Variants in PRKCH observed in about 807,000 individuals in gnomAD.
The protein encoded by PRKCH is protein kinase C eta type.
Under a neutral mutation model 82.5 loss-of-function variants are expected in PRKCH, and 28 were observed. The observed-to-expected ratio is 0.34, with a 90% CI of 0.25 to 0.47. The LOEUF (loss-of-function observed/expected upper bound fraction) is 0.47. PRKCH is among the 20% of genes least tolerant of loss of function. PRKCH has a pLI of 1.00. For synonymous variants in PRKCH, 322 were observed against 327.4 expected (o/e 0.98, Z 0.18); for missense variants, 705 against 881.8 (o/e 0.80, Z 2.54).
intron 1 of PRKCH, among the ~76,000 whole-genome samples, chr14:61,359,038 T>C (rs1285199873): frequency 6.6e-6 from 1 of 152,232 alleles, no homozygotes; most frequent in African/African-American, 2.4e-5. Context: ...AATCTATTTA[T>C]GTGTCTTTCC....
At chr14:61,484,211 C>T (rs536182324) in intron 9 of PRKCH, among the ~76,000 whole-genome samples, 2 of 151,710 alleles carry the variant, frequency 1.3e-5, no homozygotes, top group Admixed American at 1.3e-4. Context: ...CGCCTGACCC[C>T]CAGGCAGGTG....
At chr14:61,371,465 T>C (rs2046363601) in intron 1 of PRKCH, among the ~76,000 whole-genome samples, 1 of 152,038 alleles carries the variant, frequency 6.6e-6, no homozygotes, top group Admixed American at 6.5e-5. Context: ...CTTTCCTTGG[T>C]TTTGGTGAGC....
chr14:61,443,134 T>C lies in PRKCH; in HGVS notation c.451T>C (p.Phe151Leu), dbSNP rs1448127969. The C allele has an allele frequency of 1.2e-6, 2 of 1,613,976 alleles. No individual in the cohort carries two copies. Among genetic ancestry groups the C allele is most frequent in the Admixed American group, 1.7e-5 (1 of 59,998 alleles). Reference protein sequence around the residue: ...TEATLQRDRIFKHFTRKRQRA... With the variant: ...TEATLQRDRILKHFTRKRQRA... Reference sequence around the variant, plus strand: ...AGCTACTCTCCAGAGAGACCGGATCTTCAAACATTTTACCAGGAAGCGCCA... The same window carrying C: ...AGCTACTCTCCAGAGAGACCGGATCCTCAAACATTTTACCAGGAAGCGCCA... Residue 151 changes from phenylalanine to leucine, a missense_variant, in exon 3 of 14, where the codon TTC becomes CTC. Coordinates refer to ENST00000332981, the MANE Select transcript of PRKCH (RefSeq NM_006255.5).
At chr14:61,363,760 G>A (rs923207109) in intron 1 of PRKCH, among the ~76,000 whole-genome samples, 2 of 150,570 alleles carry the variant, frequency 1.3e-5, no homozygotes, top group African/African-American at 5.0e-5. Flanking sequence ...AAGGCAACGG[G>A]CAGGGGATGG....
chr14:61,270,969 G>T (rs2045147377), intron 1 of PRKCH, among the ~76,000 whole-genome samples: 1 of 152,182 alleles, frequency 6.6e-6, no homozygotes, highest in Admixed American at 6.5e-5. Context: ...GCAAGTCCCT[G>T]TCTCAAAAAA....
chr14:61,348,419 A>C (rs116262604), intron 1 of PRKCH, among the ~76,000 whole-genome samples: 126 of 152,328 alleles, frequency 8.3e-4, no homozygotes, highest in African/African-American at 2.8e-3. Flanking sequence ...CAAAACTGAC[A>C]AAGTTTGCTT....
At chr14:61,411,026 G>A (rs998713859) in intron 2 of PRKCH, among the ~76,000 whole-genome samples, 2 of 152,222 alleles carry the variant, frequency 1.3e-5, no homozygotes, top group Non-Finnish European at 2.9e-5. Context: ...GTCATTTGAA[G>A]TCAGGACTTC....
intron 10 of PRKCH, among the ~76,000 whole-genome samples, chr14:61,502,098 A>C (rs2139953078): frequency 1.7e-5 from 2 of 117,896 alleles, no homozygotes; most frequent in Non-Finnish European, 1.6e-5. Context: ...ATGGAGTCTC[A>C]CTCTCACTCA....
chr14:61,257,604 G>GACAC (rs796604363), intron 1 of PRKCH, among the ~76,000 whole-genome samples: 2 of 55,274 alleles, frequency 3.6e-5, no homozygotes, highest in Non-Finnish European at 7.9e-5. Flanking sequence ...GTCACACACA[G>GACAC]ACACACACAC....
chr14:61,433,851 G>A (rs547567032), intron 2 of PRKCH, among the ~76,000 whole-genome samples: 3 of 152,244 alleles, frequency 2.0e-5, no homozygotes, highest in African/African-American at 7.2e-5. Flanking sequence ...TATTTGGCAT[G>A]TACACCAGGA....
At chr14:61,338,934 T>G (rs2045893613) in intron 1 of PRKCH, among the ~76,000 whole-genome samples, 1 of 152,200 alleles carries the variant, frequency 6.6e-6, no homozygotes, top group Non-Finnish European at 1.5e-5. Flanking sequence ...AGATATTAAA[T>G]GACTGTTCCC....
At chr14:61,482,288 C>T (rs1385598658) in intron 9 of PRKCH, among the ~76,000 whole-genome samples, 2 of 152,174 alleles carry the variant, frequency 1.3e-5, no homozygotes, top group Non-Finnish European at 2.9e-5. Flanking sequence ...TGAGCCACCA[C>T]GCCTGGCCTG....
Position 61,419,558 on chromosome 14 carries a change from G to A in PRKCH, c.428-23553G>A, listed in dbSNP as rs893092612. Among the ~76,000 whole-genome samples the A allele has an allele frequency of 2.0e-5, 3 of 152,196 alleles. No individual in the cohort carries two copies. The East Asian group carries it at 5.8e-4, about 29-fold the overall frequency. On this transcript the variant is annotated intron_variant, in intron 2 of 13. Coordinates refer to ENST00000332981, the MANE Select transcript of PRKCH (RefSeq NM_006255.5). ...CCACTGGGGAGCAAGATCACCTCCA[G>A]TTGAGAATCAATGCAATATAATCTA...
intron 1 of PRKCH, among the ~76,000 whole-genome samples, chr14:61,233,372 TAGAG>T (rs373523064): frequency 2.8e-4 from 42 of 147,486 alleles, no homozygotes; most frequent in South Asian, 8.8e-4. Context: ...CTCTGGGTGA[TAGAG>T]AGAGACCTTG....
chr14:61,388,523 C>T lies in PRKCH; in HGVS notation c.364-2702C>T, dbSNP rs150504101. 4.7e-3 allele frequency among the ~76,000 whole-genome samples: 712 copies of T among 152,240 alleles called. 3 individuals are homozygous for T. In the Middle Eastern group the frequency reaches 0.054, roughly 12 times the overall value. On this transcript the variant is annotated intron_variant, in intron 1 of 13. Transcript: ENST00000332981. ...GGGCTGGCTGTGGGCTGCAGGATGG[C>T]GGAGGCGGCCAGGCAGCAACTGTGC...
rs57385240 is a variant in PRKCH, at chr14:61,210,754, T to TTCTCTCTC, written c.-19+23116_-19+23123dup. On this transcript the variant is annotated intron_variant, in intron 1 of 3. Coordinates refer to the PRKCH transcript ENST00000555185. ...TCACATTAAATAGGCCAAGAGTCCT[T>TTCTCTCTC]TCTCTCTCTCTCTCTCTCTCTCTCT... Among the ~76,000 whole-genome samples the TTCTCTCTC allele has an allele frequency of 2.2e-3, 319 of 144,420 alleles. 1 individual carries two copies. Among genetic ancestry groups the TTCTCTCTC allele is most frequent in the African/African-American group, 6.0e-3 (231 of 38,538 alleles). The allele number at this position is 144,420 out of a possible 152,430, so 94.7% of individuals were successfully genotyped here.
chr14:61,431,230 T>A (rs962738058), intron 2 of PRKCH, among the ~76,000 whole-genome samples: 1 of 152,214 alleles, frequency 6.6e-6, no homozygotes, highest in African/African-American at 2.4e-5. Flanking sequence ...ACACTGTACA[T>A]GCGGCCCTTC....
chr14:61,507,747 A>G (rs1276713536), intron 10 of PRKCH, among the ~76,000 whole-genome samples: 1 of 152,116 alleles, frequency 6.6e-6, no homozygotes, highest in African/African-American at 2.4e-5. Context: ...AGGGAGTAGA[A>G]TGGTGGTTGC....
At position 61,378,552 on chromosome 14, in the gene PRKCH, G is replaced by A. The variant is rs567811463; in HGVS notation, c.364-12673G>A. Reference sequence around the variant, plus strand: ...GCCACTGACCTATTCAGTTGAGACCGCATTGGGTTGTAATTTGTGGTGTTC... The same window carrying A: ...GCCACTGACCTATTCAGTTGAGACCACATTGGGTTGTAATTTGTGGTGTTC... On this transcript the variant is annotated intron_variant, in intron 1 of 13. Transcript: ENST00000332981. 3.3e-5 allele frequency among the ~76,000 whole-genome samples: 5 copies of A among 152,218 alleles called. No individual in the cohort carries two copies. The East Asian group carries it at 7.7e-4, about 23-fold the overall frequency.
Sources: allele counts gnomAD v4.1 joint callset (sites outside exome capture counted in the v4.1 genomes callset), GRCh38; gene constraint gnomAD v4.1.1; transcripts MANE v1.5; gene names NCBI Gene and HGNC (gene_info 2026-07-23, HGNC 2026-07-21).